STPG2: variants seen among roughly 807,000 people sequenced by gnomAD.
STPG2 encodes the protein sperm-tail PG-rich repeat-containing protein 2.
A neutral mutation model predicts 54.2 loss-of-function variants in STPG2; 56 were observed. The observed-to-expected ratio is 1.03, with a 90% CI of 0.83 to 1.29. The LOEUF (loss-of-function observed/expected upper bound fraction) is 1.29, where lower values mean the gene tolerates loss of function less well. Among genes scored for constraint, STPG2 ranks in the 50% most tolerant of loss-of-function variants. The probability of loss-of-function intolerance (pLI) is 0.00; values close to 1 mark genes in which losing one functional copy is unlikely to be tolerated. For synonymous variants in STPG2, 200 were observed against 181.8 expected (o/e 1.10, Z -0.81); for missense variants, 596 against 544.9 (o/e 1.09, Z -0.93).
chr4:97,991,113 G>A (rs1466911990), intron 5 of STPG2, among the ~76,000 whole-genome samples: 1 of 151,744 alleles, frequency 6.6e-6, no homozygotes, highest in Non-Finnish European at 1.5e-5. Context: ...TCATTCTTAT[G>A]CCTTTGAGTC....
chr4:98,021,368 A>T (rs1368549262), intron 5 of STPG2, among the ~76,000 whole-genome samples: 1 of 142,948 alleles, frequency 7.0e-6, no homozygotes, highest in Non-Finnish European at 1.5e-5. Context: ...GTTTGATTGC[A>T]CTGTGGTCTG....
intron 10 of STPG2, among the ~76,000 whole-genome samples, chr4:97,649,660 C>A (rs1389605841): frequency 6.6e-6 from 1 of 152,002 alleles, no homozygotes; most frequent in East Asian, 1.9e-4. Context: ...AGATCACTGT[C>A]TTGAGATAGG....
chr4:97,536,731 A>G (rs79221800), intron 4 of STPG2, among the ~76,000 whole-genome samples: 1 of 152,092 alleles, frequency 6.6e-6, no homozygotes, highest in Admixed American at 6.5e-5. Context: ...AGGCCTGTGG[A>G]TGAATCAAAG....
chr4:98,081,607 T>C (rs1428537615), intron 5 of STPG2, among the ~76,000 whole-genome samples: 1 of 152,248 alleles, frequency 6.6e-6, no homozygotes, highest in Non-Finnish European at 1.5e-5. Context: ...TCAGATTTTA[T>C]TGAAAGTTAA....
At chr4:97,878,370 C>A (rs1730252025) in intron 8 of STPG2, among the ~76,000 whole-genome samples, 1 of 152,210 alleles carries the variant, frequency 6.6e-6, no homozygotes, top group Admixed American at 6.5e-5. Context: ...AGCAGAGGTT[C>A]TCCATGAGGG....
At chr4:98,091,747 A>G (rs1414504319) in intron 5 of STPG2, among the ~76,000 whole-genome samples, 2 of 152,044 alleles carry the variant, frequency 1.3e-5, no homozygotes. Flanking sequence ...AATGTCAGAC[A>G]CTGTGTTAAG....
chr4:97,731,253 G>T (rs560551130), intron 9 of STPG2, among the ~76,000 whole-genome samples: 1 of 152,092 alleles, frequency 6.6e-6, no homozygotes, highest in African/African-American at 2.4e-5. Flanking sequence ...TTGTTTCTGG[G>T]TGCTTCAGAG....
intron 4 of STPG2, among the ~76,000 whole-genome samples, chr4:97,526,436 A>G (rs891694270): frequency 2.4e-4 from 36 of 152,236 alleles, no homozygotes; most frequent in African/African-American, 7.0e-4. Flanking sequence ...TATAAAGTAG[A>G]AAAATAAAGC....
chr4:97,456,945 ATAGAT>A (rs1729543338), intron 4 of STPG2, among the ~76,000 whole-genome samples: 1 of 151,126 alleles, frequency 6.6e-6, no homozygotes, highest in African/African-American at 2.5e-5. Context: ...AAATACCTGA[ATAGAT>A]AGATACCTTG....
chr4:98,035,409 C>A (rs933361060), intron 5 of STPG2, among the ~76,000 whole-genome samples: 4 of 152,200 alleles, frequency 2.6e-5, no homozygotes, highest in African/African-American at 9.7e-5. Flanking sequence ...GATACCATCT[C>A]ATGCCAGTTA....
At chr4:97,953,561 A>G (rs1321551873) in intron 7 of STPG2, among the ~76,000 whole-genome samples, 1 of 152,230 alleles carries the variant, frequency 6.6e-6, no homozygotes, top group Admixed American at 6.5e-5. Context: ...ATGACACAGA[A>G]TCAGGAATGG....
At chr4:97,929,243 A>G (rs1732449375) in intron 8 of STPG2, among the ~76,000 whole-genome samples, 1 of 152,186 alleles carries the variant, frequency 6.6e-6, no homozygotes, top group Non-Finnish European at 1.5e-5. Context: ...TCTATGGTGT[A>G]TATGTACTAC....
chr4:98,022,691 A>G (rs953708984), intron 5 of STPG2, among the ~76,000 whole-genome samples: 3 of 152,126 alleles, frequency 2.0e-5, no homozygotes, highest in East Asian at 1.9e-4. Context: ...ACATAGTCCC[A>G]TATTTCTTGG....
At chr4:97,944,079 G>T in intron 7 of STPG2, 72 bp from the exon 8 acceptor site, 1 of 977,176 alleles carries the variant, frequency 1.0e-6, no homozygotes, top group Non-Finnish European at 1.6e-6. Context: ...TAAATAATAA[G>T]TTTGCAATGA....
At chr4:97,744,986 C>G (rs1201969205) in intron 9 of STPG2, among the ~76,000 whole-genome samples, 1 of 151,306 alleles carries the variant, frequency 6.6e-6, no homozygotes, top group Non-Finnish European at 1.5e-5. Flanking sequence ...AAAAGTGTTA[C>G]TCCAGTTACT....
intron 4 of STPG2, among the ~76,000 whole-genome samples, chr4:97,511,378 A>G (rs1730968992): frequency 1.3e-5 from 2 of 152,054 alleles, no homozygotes; most frequent in Non-Finnish European, 2.9e-5. Context: ...ATAATTCATA[A>G]GGATACAATA....
intron 10 of STPG2, among the ~76,000 whole-genome samples, chr4:97,659,438 G>GA (rs11415537): frequency 0.89 from 134,688 of 152,186 alleles, 59,956 homozygotes; most frequent in African/African-American, 0.98. Context: ...TACAGAACTG[G>GA]AAGGGATCTA....
At chr4:98,082,366 T>C (rs2110117239) in intron 5 of STPG2, among the ~76,000 whole-genome samples, 1 of 150,080 alleles carries the variant, frequency 6.7e-6, no homozygotes, top group South Asian at 2.1e-4. Flanking sequence ...CAGCATTTCT[T>C]ATCTGGACTA....
chr4:97,938,107 G>A lies in STPG2; in HGVS notation c.1044+5790C>T, dbSNP rs181425419. ...CTGGAGTTGCTGGAGTTCCTGCAGG[G>A]AGGCCTCACCCAGAGAGCAGGGATG... On this transcript the variant is annotated intron_variant, in intron 8 of 10. Coordinates refer to ENST00000295268, the MANE Select transcript of STPG2 (RefSeq NM_174952.3). Among the ~76,000 whole-genome samples the A allele has an allele frequency of 2.5e-3, 385 of 152,288 alleles. 3 individuals carry two copies. Among genetic ancestry groups the A allele is most frequent in the African/African-American group, 8.7e-3 (361 of 41,554 alleles).
Sources: allele counts gnomAD v4.1 joint callset (sites outside exome capture counted in the v4.1 genomes callset), GRCh38; gene constraint gnomAD v4.1.1; transcripts MANE v1.5; gene names NCBI Gene and HGNC (gene_info 2026-07-23, HGNC 2026-07-21).